RGS6: variants seen among roughly 807,000 people sequenced by gnomAD.
RGS6 encodes the protein regulator of G-protein signaling 6.
Under a neutral mutation model 78.5 loss-of-function variants are expected in RGS6, and 30 were observed. The ratio of observed to expected loss-of-function variants is 0.38; its 90% CI spans 0.29 to 0.52. The LOEUF (loss-of-function observed/expected upper bound fraction) is 0.52. Among genes scored for constraint, RGS6 ranks in the 20% least tolerant of loss-of-function variants. The pLI, the probability that RGS6 is intolerant of heterozygous loss-of-function variation, is 0.85. For synonymous variants in RGS6, 206 were observed against 206.0 expected (o/e 1.00, Z 0.00); for missense variants, 495 against 609.7 (o/e 0.81, Z 1.98).
At chr14:72,212,728 T>C (rs2044479370) in intron 2 of RGS6, among the ~76,000 whole-genome samples, 2 of 152,186 alleles carry the variant, frequency 1.3e-5, no homozygotes, top group South Asian at 4.1e-4. Context: ...GGAGTGATTC[T>C]CTAGTCTTGT....
At chr14:72,562,125 A>G (rs1016797044) in intron 17 of RGS6, among the ~76,000 whole-genome samples, 2 of 152,124 alleles carry the variant, frequency 1.3e-5, no homozygotes, top group South Asian at 2.1e-4. Context: ...AGGTTTAAAT[A>G]CCTGGTTTTT....
intron 2 of RGS6, among the ~76,000 whole-genome samples, chr14:72,002,975 A>G (rs2083772998): frequency 6.6e-6 from 1 of 152,216 alleles, no homozygotes; most frequent in South Asian, 2.1e-4. Context: ...AGCCCTGGGA[A>G]CTGGCCCAAG....
intron 12 of RGS6, among the ~76,000 whole-genome samples, chr14:72,478,765 C>T (rs772817302): frequency 1.3e-5 from 2 of 152,104 alleles, no homozygotes; most frequent in African/African-American, 4.8e-5. Context: ...GGAAGTGTTC[C>T]GCCTCCACAC....
intron 3 of RGS6, among the ~76,000 whole-genome samples, chr14:72,374,078 T>C (rs766423064): frequency 6.6e-6 from 1 of 152,198 alleles, no homozygotes; most frequent in Non-Finnish European, 1.5e-5. Flanking sequence ...GAACACCAAC[T>C]GTATCTACAT....
chr14:72,440,669 T>G (rs760439488), intron 3 of RGS6, among the ~76,000 whole-genome samples: 6 of 152,158 alleles, frequency 3.9e-5, no homozygotes, highest in Non-Finnish European at 5.9e-5. Context: ...TGCCTCGGCC[T>G]CCCAAAGTGC....
At chr14:72,256,762 A>G (rs1403081108) in intron 2 of RGS6, among the ~76,000 whole-genome samples, 2 of 152,180 alleles carry the variant, frequency 1.3e-5, no homozygotes, top group Admixed American at 6.5e-5. Flanking sequence ...GGAGTGAGCT[A>G]TTTTGCTGAC....
intron 2 of RGS6, among the ~76,000 whole-genome samples, chr14:72,196,930 A>G (rs887392692): frequency 6.6e-6 from 1 of 152,218 alleles, no homozygotes; most frequent in Admixed American, 6.5e-5. Context: ...TTCCCCAGAG[A>G]CTTAAATTGC....
intron 2 of RGS6, among the ~76,000 whole-genome samples, chr14:72,120,119 AG>A (rs1567244369): frequency 1.3e-5 from 2 of 152,216 alleles, no homozygotes; most frequent in Non-Finnish European, 1.5e-5. Flanking sequence ...GATCCATTAG[AG>A]GGATTTGAGT....
intron 2 of RGS6, among the ~76,000 whole-genome samples, chr14:72,113,934 A>G (rs2153555084): frequency 6.6e-6 from 1 of 152,308 alleles, no homozygotes; most frequent in South Asian, 2.1e-4. Context: ...TCCATGAAAA[A>G]ATTGTATTAT....
intron 2 of RGS6, among the ~76,000 whole-genome samples, chr14:72,242,175 C>T (rs1420292474): frequency 3.3e-5 from 5 of 152,024 alleles, no homozygotes; most frequent in East Asian, 1.9e-4. Flanking sequence ...AGTAACCCAC[C>T]GACTAGCCAG....
At chr14:72,320,802 G>A (rs183917464) in intron 2 of RGS6, among the ~76,000 whole-genome samples, 5 of 150,732 alleles carry the variant, frequency 3.3e-5, no homozygotes, top group Non-Finnish European at 7.4e-5. Context: ...GTGGAAGGTG[G>A]TATGTAGATT....
chr14:71,953,028 G>A (rs762115053), intron 1 of RGS6, among the ~76,000 whole-genome samples: 26 of 152,096 alleles, frequency 1.7e-4, no homozygotes, highest in Non-Finnish European at 3.4e-4. Context: ...TCTTTCATGC[G>A]AAATAAGAGA....
chr14:72,510,841 G>T (rs1686038578), intron 14 of RGS6, among the ~76,000 whole-genome samples: 1 of 152,164 alleles, frequency 6.6e-6, no homozygotes, highest in African/African-American at 2.4e-5. Flanking sequence ...CCAAATAGTG[G>T]TTACTCTGAT....
intron 2 of RGS6, among the ~76,000 whole-genome samples, chr14:72,117,494 G>A (rs2095926512): frequency 6.6e-6 from 1 of 151,942 alleles, no homozygotes; most frequent in South Asian, 2.1e-4. Flanking sequence ...AGCAGATATT[G>A]GCACCGTGCT....
At chr14:72,491,817 A>C (rs145490632) in intron 12 of RGS6, among the ~76,000 whole-genome samples, 74 of 152,320 alleles carry the variant, frequency 4.9e-4, no homozygotes, top group African/African-American at 1.8e-3. Flanking sequence ...TCTTGAAGGC[A>C]CTAGGGACCA....
At chr14:72,185,091 T>A (rs1158217372) in intron 2 of RGS6, among the ~76,000 whole-genome samples, 2 of 151,928 alleles carry the variant, frequency 1.3e-5, no homozygotes. Context: ...GAACTTGGAG[T>A]CTGATGTTCA....
intron 17 of RGS6, chr14:72,540,810 G>A (rs953082089): frequency 3.0e-5 from 30 of 985,298 alleles, no homozygotes; most frequent in African/African-American, 3.5e-5. Context: ...GCTGGGTAAA[G>A]ATGGGCTTCA....
chr14:71,898,691 C>T, the RGS6 span, among the ~76,000 whole-genome samples: 8,287 of 152,146 alleles, frequency 0.054, 338 homozygotes, highest in Non-Finnish European at 0.084. Context: ...CGACAGGCCC[C>T]GGTGTGTGAT....
chr14:72,050,583 TTAAGG>T (rs1294874216), intron 2 of RGS6, among the ~76,000 whole-genome samples: 3 of 152,124 alleles, frequency 2.0e-5, no homozygotes, highest in Non-Finnish European at 2.9e-5. Flanking sequence ...GATTACATGA[TTAAGG>T]TAACAAATGA....
Sources: allele counts gnomAD v4.1 joint callset (sites outside exome capture counted in the v4.1 genomes callset), GRCh38; gene constraint gnomAD v4.1.1; transcripts MANE v1.5; gene names NCBI Gene and HGNC (gene_info 2026-07-23, HGNC 2026-07-21).